The following BRDT variants were observed in gnomAD, a reference collection of about 807,000 sequenced individuals.
BRDT encodes bromodomain testis-specific protein.
Under a neutral mutation model 113.9 loss-of-function variants are expected in BRDT, and 77 were observed. The ratio of observed to expected loss-of-function variants is 0.68; its 90% CI spans 0.56 to 0.82. The LOEUF (loss-of-function observed/expected upper bound fraction) is 0.82. Among genes scored for constraint, BRDT ranks in the 40% least tolerant of loss-of-function variants. BRDT has a pLI of 0.00. For missense variants in BRDT, 1,027 were observed against 1,105.4 expected (o/e 0.93, Z 1.01); for synonymous variants, 358 against 366.5 (o/e 0.98, Z 0.26).
intron 12 of BRDT, among the ~76,000 whole-genome samples, 168 bp from the exon 13 acceptor site, chr1:91,991,016 C>T (rs1241200789): frequency 6.6e-6 from 1 of 152,204 alleles, no homozygotes; most frequent in African/African-American, 2.4e-5. Context: ...CCAGGATGGT[C>T]TCCATCTCCT....
chr1:91,955,379 G>A (rs749091907), intron 1 of BRDT, among the ~76,000 whole-genome samples: 6 of 151,976 alleles, frequency 3.9e-5, no homozygotes, highest in African/African-American at 9.7e-5. Context: ...GCTTGAACCC[G>A]GGAGGCAGAG....
At chr1:91,979,793 A>AT (rs1482936644) in intron 8 of BRDT, 36 bp downstream of exon 8, 1 of 1,555,902 alleles carries the variant, frequency 6.4e-7, no homozygotes, top group Admixed American at 2.1e-5. Context: ...TTGATAATCT[A>AT]TGAGCTGCTA....
Position 91,981,709 on chromosome 1 carries a change from T to C in BRDT, c.1956T>C (p.Ser652=). 1 of 1,614,214 alleles carries C rather than the reference T, an allele frequency of 6.2e-7. No homozygotes were observed. The highest frequency in any genetic ancestry group is 1.7e-5 in the Admixed American group (1 of 60,020). ...SSSSSSSESE[S]SSSDLSSSDS... is the part of the protein sequence containing the mutation. ...GCAGCAGCTCATCAGAGTCTGAAAG[T>C]AGCAGCAGTGACTTAAGCTCTTCAG... Residue 652 remains serine, a synonymous_variant, in exon 12 of 19, where the codon AGT becomes AGC. Transcript: ENST00000399546.
chr1:91,976,033 C>G (rs1031548727), intron 4 of BRDT, among the ~76,000 whole-genome samples: 1 of 152,102 alleles, frequency 6.6e-6, no homozygotes, highest in Non-Finnish European at 1.5e-5. Flanking sequence ...AGCCAGGCAC[C>G]TTTTTGAATA....
intron 18 of BRDT, among the ~76,000 whole-genome samples, chr1:92,005,836 G>A (rs1292532121): frequency 6.6e-6 from 1 of 152,202 alleles, no homozygotes; most frequent in Non-Finnish European, 1.5e-5. Flanking sequence ...TTAAAAATCT[G>A]TAAACCACCT....
At chr1:91,984,160 A>G (rs1488930276) in intron 12 of BRDT, among the ~76,000 whole-genome samples, 1 of 152,254 alleles carries the variant, frequency 6.6e-6, no homozygotes, top group Non-Finnish European at 1.5e-5. Context: ...CAAATGGGAA[A>G]AAATTATATC....
chr1:91,984,699 T>A (rs12119233), intron 12 of BRDT, among the ~76,000 whole-genome samples: 53 of 152,084 alleles, frequency 3.5e-4, no homozygotes, highest in Admixed American at 1.8e-3. Context: ...GCAGTGGCAC[T>A]ATCACGGCTC....
chr1:91,996,330 C>A (rs1354456438), intron 15 of BRDT, among the ~76,000 whole-genome samples: 1 of 152,160 alleles, frequency 6.6e-6, no homozygotes, highest in Non-Finnish European at 1.5e-5. Flanking sequence ...CTCACCGCAA[C>A]CTCTGCCTCC....
intron 6 of BRDT, 152 bp from the exon 7 acceptor site, chr1:91,978,016 T>C (rs1183343011): frequency 7.6e-6 from 6 of 789,270 alleles, no homozygotes; most frequent in Non-Finnish European, 1.1e-5. Flanking sequence ...ATGAAACAAA[T>C]GTAGCAAAAT....
In BRDT at chr1:91,964,757, A is replaced by G. The variant is rs753487708; in HGVS notation, c.323A>G (p.Tyr108Cys). 6.7e-7 allele frequency: 1 copy of G among 1,482,106 alleles called. No individual in the cohort carries two copies. The highest frequency in any genetic ancestry group is 9.1e-7 in the Non-Finnish European group (1 of 1,095,428). The allele number at this position is 1,482,106 out of a possible 1,614,324, so 91.8% of individuals were successfully genotyped here. A position where few individuals can be genotyped will look rare whatever the true frequency, so the allele number is the denominator to read the frequency against. Reference sequence around the variant, plus strand: ...ACAATGTTCTCAAATTGTTATTTATATAACAAGGTATGTAAGCCTTATGTT... The same window carrying G: ...ACAATGTTCTCAAATTGTTATTTATGTAACAAGGTATGTAAGCCTTATGTT... ...FNTMFSNCYL[Y>C]NKPGDDIVLM... The change falls in exon 3 of 19, where the codon TAT becomes TGT. Residue 108 changes from tyrosine to cysteine, a missense_variant. Tyr to Cys is a radical substitution (Grantham distance 194, BLOSUM62 -2). Coordinates refer to ENST00000399546, the MANE Select transcript of BRDT (RefSeq NM_207189.4).
chr1:91,979,673 C>G lies in BRDT; in HGVS notation c.1203C>G (p.Asn401Lys). The G allele has an allele frequency of 6.2e-7, 1 of 1,614,044 alleles. No homozygotes were observed. Among genetic ancestry groups the G allele is most frequent in the Non-Finnish European group, 8.5e-7 (1 of 1,179,982 alleles). ...TDITETTGRE[N>K]TNEASSEGNS... The stretch of plus-strand genomic sequence containing the variant: ...TCACAGAAACCACTGGTAGAGAGAA[C>G]ACTAATGAAGCCTCCTCTGAAGGGA... The change falls in exon 8 of 19, where the codon AAC (asparagine) becomes AAG (lysine). Residue 401 changes from asparagine to lysine, a missense_variant. Physicochemically the swap from Asn to Lys is moderately conservative, Grantham distance 94. Transcript: ENST00000399546.
rs190388701 is a variant in BRDT at position 91,981,469 on chromosome 1, T to C, written c.1864+88T>C. The C allele has an allele frequency of 2.0e-6, 3 of 1,502,758 alleles. No individual in the cohort carries two copies. The African/African-American group carries it at 4.1e-5, about 21-fold the overall frequency. 93.1% of individuals were successfully genotyped at this position (1,502,758 alleles called of 1,614,324 possible). On this transcript the variant is annotated intron_variant, in intron 11 of 18. Transcript: ENST00000399546. ...GATATTGCCCAGGCTGGTCTTGAACTCCTGGCCTCATGTGATCCTCCACCT... is the reference window on the plus strand; with the variant it reads ...GATATTGCCCAGGCTGGTCTTGAACCCCTGGCCTCATGTGATCCTCCACCT...
intron 12 of BRDT, among the ~76,000 whole-genome samples, chr1:91,986,014 T>C (rs1685206460): frequency 6.6e-6 from 1 of 152,242 alleles, no homozygotes; most frequent in Non-Finnish European, 1.5e-5. Context: ...TTGGTTTTAT[T>C]TATCTTTTTG....
rs1283714451 is a variant in BRDT at position 92,002,070 on chromosome 1, A to T, written c.2309A>T (p.Asn770Ile). The T allele has an allele frequency of 6.2e-7, 1 of 1,613,532 alleles. No individual in the cohort carries two copies. The highest frequency in any genetic ancestry group is 8.5e-7 in the Non-Finnish European group (1 of 1,179,512). The change falls in exon 16 of 19, where the codon AAT (asparagine) becomes ATT (isoleucine). Residue 770 changes from asparagine (N) to isoleucine (I), a missense_variant. Coordinates refer to ENST00000399546, the MANE Select transcript of BRDT (RefSeq NM_207189.4). ...PPSGDSEQLS[N>I]GITVMHPSGD... is the part of the protein sequence containing the mutation. ...CCAGGTGATTCTGAACAGCTCTCAA[A>T]TGGCATAACTGTGATGCATCCATCT...
rs114069348 is a variant in BRDT, at chr1:91,971,155, C to G, written c.445+2895C>G. On this transcript the variant is annotated intron_variant, in intron 4 of 18. Transcript: ENST00000399546. ...TAAGCAACCAGCTCTTCTGTGAACT[C>G]ATAGAGTGAGCACTCCTTCATTACG... 9.1e-4 allele frequency among the ~76,000 whole-genome samples: 139 copies of G among 152,080 alleles called. 2 individuals are homozygous for G. Among genetic ancestry groups the G allele is most frequent in the African/African-American group, 2.8e-3 (117 of 41,490 alleles).
rs1209311642 is a variant in BRDT at position 91,981,148 on chromosome 1, T to C, written c.1720T>C (p.Cys574Arg). The change falls in exon 10 of 19, where the codon TGT becomes CGT. Residue 574 changes from cysteine (C) to arginine (R), a missense_variant. Cys to Arg is a radical substitution (Grantham distance 180). Transcript: ENST00000399546. ...AGAATTAGAAAAATATGTTTCGGCATGTCTAAGAAAGAGACCATTAAAACC... is the reference window on the plus strand; with the variant it reads ...AGAATTAGAAAAATATGTTTCGGCACGTCTAAGAAAGAGACCATTAAAACC... ...LRELEKYVSA[C>R]LRKRPLKPPA... is the part of the protein sequence containing the mutation. 3 of 1,612,126 alleles carry C rather than the reference T, an allele frequency of 1.9e-6. No individual in the cohort carries two copies. The highest frequency in any genetic ancestry group is 1.7e-5 in the Admixed American group (1 of 59,570).
chr1:91,971,136 A>G (rs1683593706), intron 4 of BRDT, among the ~76,000 whole-genome samples: 1 of 152,028 alleles, frequency 6.6e-6, no homozygotes, highest in Non-Finnish European at 1.5e-5. Context: ...CTTTTAAGCA[A>G]CCAGCTCTTC....
At chr1:91,962,513 T>C (rs1326601347) in intron 1 of BRDT, among the ~76,000 whole-genome samples, 1 of 152,116 alleles carries the variant, frequency 6.6e-6, no homozygotes, top group Non-Finnish European at 1.5e-5. Context: ...TTTGTATTTT[T>C]AGTAGAGACA....
At chr1:92,002,259 T>A in intron 16 of BRDT, 110 bp downstream of exon 16, 2 of 748,258 alleles carry the variant, frequency 2.7e-6, no homozygotes, top group Non-Finnish European at 4.2e-6. Flanking sequence ...GTTGGATCTC[T>A]AAGCCTAATT....
Sources: allele counts gnomAD v4.1 joint callset (sites outside exome capture counted in the v4.1 genomes callset), GRCh38; gene constraint gnomAD v4.1.1; transcripts MANE v1.5; gene names NCBI Gene and HGNC (gene_info 2026-07-23, HGNC 2026-07-21).